MAP2: variants seen among roughly 807,000 people sequenced by gnomAD.
MAP2 encodes the protein microtubule associated protein 2.
In MAP2, 14 loss-of-function variants were observed where a neutral mutation model predicts 137.6. The ratio of observed to expected loss-of-function variants is 0.10; its 90% confidence interval spans 0.07 to 0.16. The LOEUF (loss-of-function observed/expected upper bound fraction) is 0.16, where lower values mean the gene tolerates loss of function less well. Among genes scored for constraint, MAP2 ranks in the 10% least tolerant of loss-of-function variants. The pLI is 1.00. For missense variants in MAP2, 2,088 were observed against 2,191.5 expected, an observed-to-expected ratio of 0.95 and a Z score of 0.94; for synonymous variants, 786 against 782.3, an observed-to-expected ratio of 1.00 and a Z score of -0.08.
chr2:209,718,785 T>G (rs2068852318), intron 13 of MAP2, among the ~76,000 whole-genome samples: 1 of 152,226 alleles, frequency 6.6e-6, no homozygotes, highest in South Asian at 2.1e-4. Context: ...ATAAAAAATT[T>G]TAAAGAAACT....
Position 209,695,424 on chromosome 2 carries a change from C to T in MAP2, c.3254C>T (p.Pro1085Leu), listed in dbSNP as rs780094818. ...TQDMTPSSKA[P>L]QEADAFMGVE... Reference sequence around the variant, plus strand: ...GACATGACCCCCTCATCCAAAGCACCGCAGGAGGCAGATGCATTTATGGGT... The same window carrying T: ...GACATGACCCCCTCATCCAAAGCACTGCAGGAGGCAGATGCATTTATGGGT... The change falls in exon 8 of 16, where the codon CCG becomes CTG. Residue 1085 changes from proline (P) to leucine (L), a missense_variant. This residue lies in a region of MAP2 where 500 missense variants were observed against 482.9 expected (regional missense o/e 1.04). Transcript: ENST00000682079. 6.2e-7 allele frequency: 1 copy of T among 1,613,218 alleles called. No homozygotes were observed. The highest frequency in any genetic ancestry group is 1.1e-5 in the South Asian group (1 of 90,862).
rs769115243 is a variant in MAP2 at position 209,695,180 on chromosome 2, T to G, written c.3010T>G (p.Leu1004Val). 28 of 1,614,040 alleles carry G rather than the reference T, an allele frequency of 1.7e-5. 2 individuals carry two copies. In the South Asian group the frequency reaches 3.0e-4, roughly 17 times the overall value. ...VTYEQALAKD[L>V]SIPTDASSEK... ...CTATGAGCAAGCTTTGGCCAAAGATTTGTCAATACCAACAGATGCATCCTC... is the reference window on the plus strand; with the variant it reads ...CTATGAGCAAGCTTTGGCCAAAGATGTGTCAATACCAACAGATGCATCCTC... The change falls in exon 8 of 16, where the codon TTG becomes GTG. Residue 1004 changes from leucine to valine, a missense_variant. Coordinates refer to ENST00000682079, the MANE Select transcript of MAP2 (RefSeq NM_001375505.1).
chr2:209,650,688 A>G (rs1289636280), intron 4 of MAP2, among the ~76,000 whole-genome samples: 2 of 152,246 alleles, frequency 1.3e-5, no homozygotes, highest in Non-Finnish European at 2.9e-5. Flanking sequence ...AATGTTCACT[A>G]ATTATATAAA....
At chr2:209,537,463 A>G (rs889638207) in intron 2 of MAP2, among the ~76,000 whole-genome samples, 2 of 151,832 alleles carry the variant, frequency 1.3e-5, no homozygotes, top group Non-Finnish European at 2.9e-5. Context: ...AAATGGTTAA[A>G]TGCACCAGAA....
At chr2:209,686,383 G>A (rs565136586) in intron 7 of MAP2, among the ~76,000 whole-genome samples, 1 of 152,260 alleles carries the variant, frequency 6.6e-6, no homozygotes, top group Admixed American at 6.5e-5. Context: ...CTAGTTGTCA[G>A]CACTTGGTTG....
At chr2:209,673,526 T>C (rs1344595529) in intron 5 of MAP2, among the ~76,000 whole-genome samples, 1 of 151,852 alleles carries the variant, frequency 6.6e-6, no homozygotes, top group Non-Finnish European at 1.5e-5. Flanking sequence ...TATACACTTA[T>C]TAACTAAGAT....
intron 7 of MAP2, chr2:209,690,877 T>TAAAA: frequency 1.6e-6 from 2 of 1,250,156 alleles, no homozygotes; most frequent in Non-Finnish European, 2.1e-6. Context: ...TTGCATGTGT[T>TAAAA]TTGTTGCAAA....
At chr2:209,427,377 A>C (rs963782483) in intron 1 of MAP2, among the ~76,000 whole-genome samples, 4 of 152,222 alleles carry the variant, frequency 2.6e-5, no homozygotes, top group Non-Finnish European at 5.9e-5. Context: ...AGATTAGTTA[A>C]AGATGCTAAT....
intron 7 of MAP2, among the ~76,000 whole-genome samples, chr2:209,692,251 T>C (rs1424824385): frequency 6.6e-6 from 1 of 151,436 alleles, no homozygotes; most frequent in African/African-American, 2.4e-5. Flanking sequence ...GCTTACTCAA[T>C]ATTCATTAGC....
chr2:209,726,923 A>G (rs2074280691), intron 14 of MAP2, among the ~76,000 whole-genome samples: 1 of 152,362 alleles, frequency 6.6e-6, no homozygotes, highest in East Asian at 1.9e-4. Flanking sequence ...ATGAAAACAA[A>G]GTAATAGGTT....
intron 1 of MAP2, among the ~76,000 whole-genome samples, chr2:209,475,293 T>TA (rs1004029877): frequency 3.9e-5 from 6 of 152,038 alleles, no homozygotes; most frequent in Non-Finnish European, 2.9e-5. Flanking sequence ...TTACTCATGG[T>TA]AAAAATATAT....
At chr2:209,680,096 T>A (rs2053882961) in intron 6 of MAP2, among the ~76,000 whole-genome samples, 1 of 152,170 alleles carries the variant, frequency 6.6e-6, no homozygotes, top group South Asian at 2.1e-4. Flanking sequence ...AGAACCTTTT[T>A]CTCTGGTTCC....
At chr2:209,439,877 G>A (rs1317724716) in intron 1 of MAP2, among the ~76,000 whole-genome samples, 1 of 151,416 alleles carries the variant, frequency 6.6e-6, no homozygotes, top group Non-Finnish European at 1.5e-5. Flanking sequence ...ATCTGGAGGA[G>A]AATGTAAATA....
chr2:209,663,692 A>T (rs1466288097), intron 5 of MAP2, among the ~76,000 whole-genome samples: 1 of 152,204 alleles, frequency 6.6e-6, no homozygotes, highest in East Asian at 1.9e-4. Context: ...CTAAATACAT[A>T]TGATTCAGTT....
intron 3 of MAP2, among the ~76,000 whole-genome samples, chr2:209,621,926 A>G (rs2153522609): frequency 6.6e-6 from 1 of 152,348 alleles, no homozygotes. Flanking sequence ...GACTTCGTTT[A>G]TAGCTGAACA....
intron 7 of MAP2, among the ~76,000 whole-genome samples, chr2:209,683,524 C>A (rs2055692531): frequency 6.6e-6 from 1 of 150,506 alleles, no homozygotes; most frequent in South Asian, 2.1e-4. Context: ...TTAAGCCACA[C>A]TTAAGTAATA....
At chr2:209,602,733 C>T (rs1000971276) in intron 3 of MAP2, among the ~76,000 whole-genome samples, 6 of 152,198 alleles carry the variant, frequency 3.9e-5, no homozygotes, top group African/African-American at 1.4e-4. Context: ...GGATTCTGAG[C>T]ATGCCAAAAC....
At chr2:209,583,854 G>C (rs1381175373) in intron 3 of MAP2, among the ~76,000 whole-genome samples, 1 of 151,284 alleles carries the variant, frequency 6.6e-6, no homozygotes, top group Non-Finnish European at 1.5e-5. Flanking sequence ...CTGAGGTTTG[G>C]GGTATGAATG....
At chr2:209,502,984 T>G (rs2060563558) in intron 1 of MAP2, among the ~76,000 whole-genome samples, 1 of 146,866 alleles carries the variant, frequency 6.8e-6, no homozygotes, top group Non-Finnish European at 1.5e-5. Context: ...TCCTTATATA[T>G]TTCGGATTTT....
Sources: gnomAD v4.1 joint callset for allele counts (sites outside exome capture counted in the v4.1 genomes callset) on GRCh38, gnomAD v4.1.1 for gene constraint, gnomAD v4.1.1 regional missense constraint, MANE v1.5 for transcripts, NCBI Gene and HGNC (gene_info 2026-07-23, HGNC 2026-07-21) for gene names.